The following LRRC49 variants were observed in gnomAD, a reference collection of about 807,000 sequenced individuals.
LRRC49 encodes leucine rich repeat containing 49.
In LRRC49, 50 loss-of-function variants were observed where a neutral mutation model predicts 83.3. The ratio of observed to expected loss-of-function variants is 0.60; its 90% confidence interval spans 0.48 to 0.76. The LOEUF is 0.76. LRRC49 is among the 30% of genes least tolerant of loss of function. LRRC49 has a pLI of 0.00. For synonymous variants in LRRC49, 286 were observed against 283.3 expected (o/e 1.01, Z -0.10); for missense variants, 704 against 809.1 (o/e 0.87, Z 1.58).
At chr15:70,988,679 A>G (rs2037733390) in intron 11 of LRRC49, among the ~76,000 whole-genome samples, 2 of 152,002 alleles carry the variant, frequency 1.3e-5, no homozygotes, top group South Asian at 2.1e-4. Context: ...TCCTGTCATT[A>G]TGATGTTAGC....
chr15:70,905,025 G>A (rs374150930), intron 5 of LRRC49, among the ~76,000 whole-genome samples: 1 of 152,158 alleles, frequency 6.6e-6, no homozygotes, highest in African/African-American at 2.4e-5. Flanking sequence ...GCAGACTTTG[G>A]CCTTGATTTT....
chr15:70,909,023 C>T (rs941549632), intron 5 of LRRC49, among the ~76,000 whole-genome samples: 2 of 152,006 alleles, frequency 1.3e-5, no homozygotes, highest in Non-Finnish European at 2.9e-5. Flanking sequence ...TATGTGAGGC[C>T]CTGGTGGAAT....
chr15:70,882,828 G>A lies in LRRC49; in HGVS notation c.18+9605G>A, dbSNP rs12909568. On this transcript the variant is annotated intron_variant, in intron 2 of 16. Coordinates refer to the LRRC49 transcript ENST00000544974. ...TTTTATGCACTGGGCCTTCTTCACAGTGAGTAGGTACTGAAGTGACAGTAT... is the reference window on the plus strand; with the variant it reads ...TTTTATGCACTGGGCCTTCTTCACAATGAGTAGGTACTGAAGTGACAGTAT... The A allele has an allele frequency of 9.7e-3, 15,720 of 1,614,150 alleles. 97 individuals carry two copies. Among genetic ancestry groups the A allele is most frequent in the Non-Finnish European group, 0.011 (13,328 of 1,179,988 alleles).
chr15:70,989,462 G>A (rs369293829), intron 11 of LRRC49, among the ~76,000 whole-genome samples: 3 of 151,932 alleles, frequency 2.0e-5, no homozygotes, highest in Non-Finnish European at 4.4e-5. Context: ...CGTAGTTCTC[G>A]AGCCTTGGCT....
intron 5 of LRRC49, among the ~76,000 whole-genome samples, chr15:70,910,104 TGAG>T (rs2034489950): frequency 6.6e-6 from 1 of 151,840 alleles, no homozygotes; most frequent in Non-Finnish European, 1.5e-5. Context: ...AGGAGACTGA[TGAG>T]GAGGTGGTGG....
intron 7 of LRRC49, among the ~76,000 whole-genome samples, chr15:70,926,022 A>G (rs975232917): frequency 6.6e-6 from 1 of 152,192 alleles, no homozygotes; most frequent in African/African-American, 2.4e-5. Flanking sequence ...TTTGAAAAGT[A>G]CATATATAAA....
chr15:70,913,463 G>C (rs558103859), intron 6 of LRRC49, among the ~76,000 whole-genome samples: 1 of 152,152 alleles, frequency 6.6e-6, no homozygotes, highest in South Asian at 2.1e-4. Context: ...GTCCAACAGA[G>C]GGGAAGTTAT....
At chr15:71,012,333 G>C (rs1685996231) in intron 13 of LRRC49, among the ~76,000 whole-genome samples, 1 of 152,056 alleles carries the variant, frequency 6.6e-6, no homozygotes, top group South Asian at 2.1e-4. Context: ...TGCTAATTCA[G>C]TGAAAGTTCC....
chr15:71,001,950 C>CAA (rs951220648), intron 11 of LRRC49, among the ~76,000 whole-genome samples: 1 of 152,166 alleles, frequency 6.6e-6, no homozygotes, highest in Non-Finnish European at 1.5e-5. Context: ...CTCGGCCTCC[C>CAA]AAAGTGCTGG....
chr15:71,048,840 G>C, intron 15 of LRRC49: 2 of 455,892 alleles, frequency 4.4e-6, no homozygotes, highest in Non-Finnish European at 4.4e-6. Context: ...CAACGTCCTG[G>C]GTCCCAGGTT....
intron 5 of LRRC49, among the ~76,000 whole-genome samples, chr15:70,907,289 G>A (rs1171802557): frequency 6.6e-6 from 1 of 152,158 alleles, no homozygotes; most frequent in African/African-American, 2.4e-5. Flanking sequence ...CAAGGCAGTG[G>A]AACCATATAT....
At chr15:70,927,784 A>G (rs909460006) in intron 7 of LRRC49, among the ~76,000 whole-genome samples, 11 of 152,094 alleles carry the variant, frequency 7.2e-5, no homozygotes, top group South Asian at 2.1e-4. Context: ...TGTAGCTGGG[A>G]CTACAGGCAC....
At position 71,040,839 on chromosome 15, in the gene LRRC49, A is replaced by T. The variant is rs1045447403; in HGVS notation, c.1857+3507A>T. Among the ~76,000 whole-genome samples, 32 of 143,654 alleles carry T rather than the reference A, an allele frequency of 2.2e-4. No individual in the cohort carries two copies. The Admixed American group carries it at 2.2e-3, about 10-fold the overall frequency. The allele number at this position is 143,654 out of a possible 152,430, so 94.2% of individuals were successfully genotyped here. On this transcript the variant is annotated intron_variant, in intron 15 of 15. Transcript: ENST00000260382. ...CGTCTCAAAAAAAAAAAAAAAAAAA[A>T]GGATTCAAGCTTTCCCTGAAAGATT...
chr15:71,005,175 A>G (rs1382333465), intron 11 of LRRC49, among the ~76,000 whole-genome samples: 2 of 151,986 alleles, frequency 1.3e-5, no homozygotes, highest in East Asian at 3.8e-4. Flanking sequence ...GCCCTTCTTC[A>G]TTCTGTTTTC....
intron 3 of LRRC49, chr15:70,898,389 T>A: frequency 1.4e-6 from 1 of 701,290 alleles, no homozygotes. Context: ...ATATAAAGAA[T>A]GTAAAATGAG....
intron 3 of LRRC49, among the ~76,000 whole-genome samples, chr15:70,899,537 A>G (rs1268399475): frequency 6.6e-6 from 1 of 152,088 alleles, no homozygotes; most frequent in Non-Finnish European, 1.5e-5. Flanking sequence ...ATACTCTAGA[A>G]CATCATTATT....
intron 9 of LRRC49, among the ~76,000 whole-genome samples, chr15:70,979,052 C>CA (rs2037307266): frequency 6.6e-6 from 1 of 152,002 alleles, no homozygotes; most frequent in Non-Finnish European, 1.5e-5. Flanking sequence ...ATTGTTTTCT[C>CA]AAATTATCGT....
upstream of LRRC49, among the ~76,000 whole-genome samples, chr15:70,890,298 G>C (rs924956058): frequency 1.3e-5 from 2 of 152,162 alleles, no homozygotes; most frequent in Non-Finnish European, 2.9e-5. Context: ...AGTTTGTATA[G>C]GTGGTGATGG....
intron 9 of LRRC49, among the ~76,000 whole-genome samples, chr15:70,968,940 G>A (rs1237914668): frequency 6.6e-6 from 1 of 151,948 alleles, no homozygotes; most frequent in Non-Finnish European, 1.5e-5. Flanking sequence ...GTTACCTGTT[G>A]ACTCTGATGA....
Sources: allele counts gnomAD v4.1 joint callset (sites outside exome capture counted in the v4.1 genomes callset), GRCh38; gene constraint gnomAD v4.1.1; transcripts MANE v1.5; gene names NCBI Gene and HGNC (gene_info 2026-07-23, HGNC 2026-07-21).